AP2B1: variants seen among roughly 807,000 people sequenced by gnomAD.
AP2B1 encodes adaptor related protein complex 2 subunit beta 1.
A neutral mutation model predicts 102.0 loss-of-function variants in AP2B1; 23 were observed. The ratio of observed to expected loss-of-function variants is 0.23; its 90% CI spans 0.16 to 0.32. The LOEUF (loss-of-function observed/expected upper bound fraction) is 0.32, where lower values mean the gene tolerates loss of function less well. Among genes scored for constraint, AP2B1 ranks in the 10% least tolerant of loss-of-function variants. The probability of loss-of-function intolerance (pLI) is 1.00; values close to 1 mark genes in which losing one functional copy is unlikely to be tolerated. For synonymous variants in AP2B1, 381 were observed against 421.2 expected, an observed-to-expected ratio of 0.90 and a Z score of 1.17; for missense variants, 541 against 1,157.4, an observed-to-expected ratio of 0.47 and a Z score of 7.73.
At chr17:35,691,936 C>A (rs1370511967) in intron 18 of AP2B1, among the ~76,000 whole-genome samples, 1 of 152,028 alleles carries the variant, frequency 6.6e-6, no homozygotes, top group Non-Finnish European at 1.5e-5. Context: ...TTAGATATTC[C>A]TTTTTTGCTA....
intron 5 of AP2B1, among the ~76,000 whole-genome samples, chr17:35,611,390 G>A (rs1269206716): frequency 1.3e-5 from 2 of 152,178 alleles, no homozygotes; most frequent in Admixed American, 6.5e-5. Context: ...CTATGCTAAT[G>A]TAAATTCTTT....
intron 14 of AP2B1, among the ~76,000 whole-genome samples, chr17:35,668,084 C>A (rs1335775215): frequency 6.6e-6 from 1 of 151,962 alleles, no homozygotes; most frequent in East Asian, 1.9e-4. Context: ...ACTACAGGTT[C>A]CCGTCACCAG....
At chr17:35,710,623 A>T (rs1568037518) in intron 20 of AP2B1, among the ~76,000 whole-genome samples, 1 of 152,238 alleles carries the variant, frequency 6.6e-6, no homozygotes, top group African/African-American at 2.4e-5. Context: ...CAAAAACTGA[A>T]GTGGCACTTG....
intron 5 of AP2B1, among the ~76,000 whole-genome samples, chr17:35,612,310 G>A (rs1382729070): frequency 2.0e-5 from 3 of 152,162 alleles, no homozygotes; most frequent in Non-Finnish European, 4.4e-5. Context: ...TGTGCCTGGA[G>A]TGCCTCACTT....
intron 9 of AP2B1, among the ~76,000 whole-genome samples, chr17:35,628,392 A>G (rs77820266): frequency 0.024 from 3,669 of 152,282 alleles, 134 homozygotes; most frequent in East Asian, 0.19. Flanking sequence ...GCTTGAGCCC[A>G]GCAGTTTGAG....
intron 13 of AP2B1, among the ~76,000 whole-genome samples, chr17:35,654,788 A>G (rs1198500911): frequency 6.6e-6 from 1 of 151,840 alleles, no homozygotes; most frequent in African/African-American, 2.4e-5. Context: ...AAGCCCTCTG[A>G]GCCTGGAATT....
At chr17:35,689,925 G>A (rs1017503073) in intron 18 of AP2B1, among the ~76,000 whole-genome samples, 1 of 152,136 alleles carries the variant, frequency 6.6e-6, no homozygotes, top group Non-Finnish European at 1.5e-5. Context: ...GCATGTAGTT[G>A]TTTTTCTTGT....
At chr17:35,677,320 T>G (rs556446287) in intron 17 of AP2B1, among the ~76,000 whole-genome samples, 1 of 152,160 alleles carries the variant, frequency 6.6e-6, no homozygotes, top group Admixed American at 6.6e-5. Context: ...GGTTCATCAG[T>G]TTTTTTTCTT....
At chr17:35,686,868 AGGCAGGAGAAT>A (rs1446192929) in intron 18 of AP2B1, among the ~76,000 whole-genome samples, 32 of 152,286 alleles carry the variant, frequency 2.1e-4, no homozygotes, top group African/African-American at 7.7e-4. Context: ...TGGGAGGCTG[AGGCAGGAGAAT>A]GGCGTGAGAA....
intron 18 of AP2B1, among the ~76,000 whole-genome samples, chr17:35,708,799 G>A (rs2076394152): frequency 6.6e-6 from 1 of 152,168 alleles, no homozygotes; most frequent in South Asian, 2.1e-4. Flanking sequence ...ATGTTACTTA[G>A]TCTTTCTAAA....
chr17:35,662,606 T>G (rs962926814), intron 14 of AP2B1, among the ~76,000 whole-genome samples: 1 of 150,098 alleles, frequency 6.7e-6, no homozygotes, highest in Admixed American at 6.7e-5. Context: ...GTGATTTTTC[T>G]CACCGTGCAG....
chr17:35,616,117 T>A (rs964889387), intron 5 of AP2B1, among the ~76,000 whole-genome samples: 2 of 151,712 alleles, frequency 1.3e-5, no homozygotes, highest in Admixed American at 6.6e-5. Context: ...TATATTATTA[T>A]GAACTTAGGT....
At chr17:35,707,126 G>A (rs192529196) in intron 18 of AP2B1, among the ~76,000 whole-genome samples, 1,471 of 143,538 alleles carry the variant, frequency 0.01, 17 homozygotes, top group Non-Finnish European at 0.013. Flanking sequence ...TAGTGCTCTG[G>A]TACATCCCTT....
At chr17:35,710,055 C>T (rs150795799) in intron 19 of AP2B1, among the ~76,000 whole-genome samples, 179 bp from the exon 20 acceptor site, 460 of 152,304 alleles carry the variant, frequency 3.0e-3, no homozygotes, top group Non-Finnish European at 5.2e-3. Flanking sequence ...TTACTGATGA[C>T]GGATTAATTG....
chr17:35,673,873 T>TA (rs2075643187), intron 16 of AP2B1, among the ~76,000 whole-genome samples: 1 of 152,170 alleles, frequency 6.6e-6, no homozygotes, highest in South Asian at 2.1e-4. Flanking sequence ...TTAAAAGTAG[T>TA]AAAATAACCA....
rs746817436 is a variant in AP2B1, at chr17:35,630,406, G to A, written c.1155+2680G>A. ...CAACTTGTTTTTCTTTTCTTTTTAC[G>A]TTAACATATCTTACTAGCCGTCTAC... On this transcript the variant is annotated intron_variant, in intron 9 of 21. Transcript: ENST00000610402. Among the ~76,000 whole-genome samples, 14 of 151,864 alleles carry A rather than the reference G, an allele frequency of 9.2e-5. No homozygotes were observed. In the East Asian group the frequency reaches 1.5e-3, roughly 17 times the overall value.
At chr17:35,651,235 T>A (rs1437609993) in intron 13 of AP2B1, among the ~76,000 whole-genome samples, 1 of 152,200 alleles carries the variant, frequency 6.6e-6, no homozygotes, top group African/African-American at 2.4e-5. Flanking sequence ...CAGGTATAAC[T>A]TATGCTGTAA....
At chr17:35,645,588 G>A (rs2074909363) in intron 12 of AP2B1, among the ~76,000 whole-genome samples, 1 of 152,168 alleles carries the variant, frequency 6.6e-6, no homozygotes. Flanking sequence ...GGTGGCTTAT[G>A]CCTGTAATCC....
rs141134608 is a variant in AP2B1, at chr17:35,666,236, CCT to C, written c.1990-4620_1990-4619del. 5.9e-3 allele frequency among the ~76,000 whole-genome samples: 895 copies of C among 152,166 alleles called. 10 individuals carry two copies. The highest frequency in any genetic ancestry group is 0.021 in the African/African-American group (857 of 41,526). On this transcript the variant is annotated intron_variant, in intron 14 of 21. Transcript: ENST00000610402. ...AGTTACAATAAGTCACCATAAAACCCCTGTTTTCTGTCCAGTTACTGAACATT... is the reference window on the plus strand; with the variant it reads ...AGTTACAATAAGTCACCATAAAACCCGTTTTCTGTCCAGTTACTGAACATT...
Sources: gnomAD v4.1 joint callset for allele counts (sites outside exome capture counted in the v4.1 genomes callset) on GRCh38, gnomAD v4.1.1 for gene constraint, MANE v1.5 for transcripts, NCBI Gene and HGNC (gene_info 2026-07-23, HGNC 2026-07-21) for gene names.